The following DLGAP1 variants were observed in gnomAD, a reference collection of about 807,000 sequenced individuals.
The protein encoded by DLGAP1 is DLG associated protein 1.
DLGAP1 carries 11 observed loss-of-function variants against 90.8 expected under a neutral mutation model. That is an observed-to-expected ratio of 0.12 (90% CI 0.08 to 0.20). The LOEUF (loss-of-function observed/expected upper bound fraction) is 0.20, where lower values mean the gene tolerates loss of function less well. DLGAP1 is among the 10% of genes least tolerant of loss of function. The pLI is 1.00. For missense variants in DLGAP1, 1,050 were observed against 1,333.8 expected, an observed-to-expected ratio of 0.79 and a Z score of 3.31; for synonymous variants, 558 against 540.7, an observed-to-expected ratio of 1.03 and a Z score of -0.44.
chr18:4,001,841 G>A (rs16945812), intron 3 of DLGAP1, among the ~76,000 whole-genome samples: 20,247 of 152,078 alleles, frequency 0.13, 1,649 homozygotes, highest in South Asian at 0.32. Context: ...AGTTGGAGGC[G>A]GCAGGACTCT....
intron 3 of DLGAP1, among the ~76,000 whole-genome samples, chr18:3,907,474 T>A (rs1036816): frequency 0.31 from 47,760 of 152,088 alleles, 8,879 homozygotes; most frequent in Admixed American, 0.45. Context: ...CCCAGATCTC[T>A]TGCCTAAATT....
intron 3 of DLGAP1, among the ~76,000 whole-genome samples, chr18:3,886,305 A>C (rs1031688969): frequency 1.3e-5 from 2 of 152,154 alleles, no homozygotes; most frequent in African/African-American, 2.4e-5. Flanking sequence ...GTACCTAGTC[A>C]TGTATATATT....
chr18:3,954,383 GT>G (rs1443581390), intron 3 of DLGAP1, among the ~76,000 whole-genome samples: 1 of 152,216 alleles, frequency 6.6e-6, no homozygotes, highest in African/African-American at 2.4e-5. Context: ...GTTAAGTGGT[GT>G]GAACAGATCT....
In DLGAP1 at chr18:4,415,026, CAT is replaced by C. The variant is rs761024538; in HGVS notation, c.-267+39978_-267+39979del. Among the ~76,000 whole-genome samples, 467 of 141,056 alleles carry C rather than the reference CAT, an allele frequency of 3.3e-3. 5 individuals carry two copies. Among genetic ancestry groups the C allele is most frequent in the African/African-American group, 0.011 (415 of 37,400 alleles). 92.5% of individuals were successfully genotyped at this position (141,056 alleles called of 152,430 possible). ...AAAACATTGGGTCAATTGAAATATA[CAT>C]ATATATATATACACACACACACACA... On this transcript the variant is annotated intron_variant, in intron 1 of 12. Coordinates refer to ENST00000315677, the MANE Select transcript of DLGAP1 (RefSeq NM_004746.4).
Position 3,870,129 on chromosome 18 carries a change from A to T in DLGAP1, c.957+8983T>A, listed in dbSNP as rs573948275. ...CCTAGAACTGGGTTACTTAAAATGC[A>T]GTTCTGGGATTGATCACTGTCAGAA... On this transcript the variant is annotated intron_variant, in intron 4 of 12. Transcript: ENST00000315677. Among the ~76,000 whole-genome samples the T allele has an allele frequency of 1.8e-4, 27 of 152,306 alleles. No homozygotes were observed. In the South Asian group the frequency reaches 5.4e-3, roughly 30 times the overall value.
chr18:3,622,649 G>T (rs182051839), intron 7 of DLGAP1, among the ~76,000 whole-genome samples: 1 of 152,196 alleles, frequency 6.6e-6, no homozygotes. Flanking sequence ...AGCAGAAGGG[G>T]GCTGTTTCCT....
intron 3 of DLGAP1, among the ~76,000 whole-genome samples, chr18:3,938,745 C>A (rs776436840): frequency 6.6e-6 from 1 of 152,122 alleles, no homozygotes. Flanking sequence ...AGGGTGCAGA[C>A]CACGTGGGGC....
intron 7 of DLGAP1, among the ~76,000 whole-genome samples, chr18:3,720,895 A>AAAAGAAAAAAG (rs2061952797): frequency 1.4e-5 from 2 of 140,408 alleles, no homozygotes; most frequent in African/African-American, 5.7e-5. Context: ...CTACAAAAAA[A>AAAAGAAAAAAG]AAAAAAAAAA....
chr18:4,289,802 C>G (rs1277985095), intron 1 of DLGAP1, among the ~76,000 whole-genome samples: 1 of 152,052 alleles, frequency 6.6e-6, no homozygotes, highest in Non-Finnish European at 1.5e-5. Flanking sequence ...CATTCCTGAA[C>G]TTAGAAACAA....
rs575076886 is a variant in DLGAP1 at position 4,350,729 on chromosome 18, GTCT to G, written c.-267+104274_-267+104276del. 4.6e-5 allele frequency among the ~76,000 whole-genome samples: 7 copies of G among 152,178 alleles called. No homozygotes were observed. In the East Asian group the frequency reaches 1.4e-3, roughly 29 times the overall value. On this transcript the variant is annotated intron_variant, in intron 1 of 12. Transcript: ENST00000315677. ...ATTTTTTGTCCATTATATTGTAGAG[GTCT>G]TCTTTTGACTTTTATTCTATTCTAT...
At chr18:4,301,499 A>G (rs9952070) in intron 1 of DLGAP1, among the ~76,000 whole-genome samples, 32,853 of 152,162 alleles carry the variant, frequency 0.22, 3,651 homozygotes, top group African/African-American at 0.25. Flanking sequence ...ACTCCATTGC[A>G]TGTGTTTGTA....
intron 2 of DLGAP1, among the ~76,000 whole-genome samples, chr18:4,133,984 A>G (rs2144237105): frequency 6.9e-6 from 1 of 144,152 alleles, no homozygotes; most frequent in South Asian, 2.2e-4. Flanking sequence ...ACATTGAGAT[A>G]ATAGTGGTCC....
At chr18:3,883,773 C>T (rs2148837467) in intron 3 of DLGAP1, among the ~76,000 whole-genome samples, 1 of 152,306 alleles carries the variant, frequency 6.6e-6, no homozygotes, top group East Asian at 1.9e-4. Flanking sequence ...TCAGGGTGAC[C>T]ATTCCAAAGA....
chr18:3,549,337 C>T (rs1599174032), intron 9 of DLGAP1, among the ~76,000 whole-genome samples: 2 of 144,610 alleles, frequency 1.4e-5, no homozygotes, highest in Non-Finnish European at 3.0e-5. Flanking sequence ...CTCTCTCTCT[C>T]TTTTTTTTTT....
In DLGAP1 at chr18:4,378,054, A is replaced by G. The variant is rs1222453000; in HGVS notation, c.-267+76952T>C. Reference sequence around the variant, plus strand: ...TTTTTGTCTATGTGTTTTTATATATACATATTATAAAATATATATATCACT... The same window carrying G: ...TTTTTGTCTATGTGTTTTTATATATGCATATTATAAAATATATATATCACT... On this transcript the variant is annotated intron_variant, in intron 1 of 12. Transcript: ENST00000315677. The surrounding 1 kb of genome is among the most constrained non-coding windows in gnomAD (Gnocchi z 4.5). Among the ~76,000 whole-genome samples, 1 of 149,690 alleles carries G rather than the reference A, an allele frequency of 6.7e-6. No individual in the cohort carries two copies. Among genetic ancestry groups the G allele is most frequent in the Non-Finnish European group, 1.5e-5 (1 of 67,522 alleles).
intron 7 of DLGAP1, among the ~76,000 whole-genome samples, chr18:3,710,392 A>G (rs2061562734): frequency 6.6e-6 from 1 of 152,160 alleles, no homozygotes. Context: ...GGCTCTGCAG[A>G]GGGACATGAA....
chr18:4,253,088 T>C (rs2078817632), intron 1 of DLGAP1, among the ~76,000 whole-genome samples: 1 of 152,222 alleles, frequency 6.6e-6, no homozygotes, highest in Admixed American at 6.5e-5. Flanking sequence ...TATATCAGCA[T>C]ACTCACCAAC....
At chr18:4,278,527 C>A (rs1401431064) in intron 1 of DLGAP1, among the ~76,000 whole-genome samples, 4 of 152,128 alleles carry the variant, frequency 2.6e-5, no homozygotes, top group Admixed American at 2.6e-4. Flanking sequence ...TAAGTGAGAT[C>A]AGGCAGTATC....
At chr18:3,647,905 C>G (rs996913245) in intron 7 of DLGAP1, among the ~76,000 whole-genome samples, 1 of 152,222 alleles carries the variant, frequency 6.6e-6, no homozygotes, top group African/African-American at 2.4e-5. Context: ...GAACCTAGGA[C>G]TGTCCTATAT....
Sources: allele counts gnomAD v4.1 joint callset (sites outside exome capture counted in the v4.1 genomes callset), GRCh38; gene constraint gnomAD v4.1.1; non-coding constraint Gnocchi (gnomAD v3.1); transcripts MANE v1.5; gene names NCBI Gene and HGNC (gene_info 2026-07-23, HGNC 2026-07-21).